Variants in NEK5 observed in about 807,000 individuals in gnomAD.
NEK5 encodes the protein serine/threonine-protein kinase Nek5.
In NEK5, 88 loss-of-function variants were observed where a neutral mutation model predicts 109.2. The observed-to-expected ratio is 0.81, with a 90% CI of 0.68 to 0.96. The LOEUF is 0.96. NEK5 is among the 40% of genes least tolerant of loss of function. The pLI, the probability that NEK5 is intolerant of heterozygous loss-of-function variation, is 0.00. For missense variants in NEK5, 834 were observed against 920.7 expected (o/e 0.91, Z 1.22); for synonymous variants, 283 against 299.9 (o/e 0.94, Z 0.58).
chr13:52,065,832 T>C (rs1954681071), intron 20 of NEK5, among the ~76,000 whole-genome samples: 1 of 152,228 alleles, frequency 6.6e-6, no homozygotes, highest in East Asian at 1.9e-4. Context: ...TATTGCTAAA[T>C]GCTAAGGAAA....
At chr13:52,085,700 A>G (rs542914922) in intron 16 of NEK5, among the ~76,000 whole-genome samples, 1 of 152,314 alleles carries the variant, frequency 6.6e-6, no homozygotes, top group South Asian at 2.1e-4. Context: ...CAGGCTGGCT[A>G]TTTCATGTGA....
At chr13:52,060,602 T>C (rs1326946478) in intron 22 of NEK5, among the ~76,000 whole-genome samples, 1 of 152,182 alleles carries the variant, frequency 6.6e-6, no homozygotes, top group African/African-American at 2.4e-5. Flanking sequence ...TGCCTCGGCC[T>C]CCCAAAGTGC....
At chr13:52,047,593 CT>C (rs1316760743) in intron 23 of NEK5, among the ~76,000 whole-genome samples, 1 of 152,132 alleles carries the variant, frequency 6.6e-6, no homozygotes, top group Admixed American at 6.5e-5. Flanking sequence ...TCACAGTTTA[CT>C]TTATGGGAGG....
At chr13:52,071,166 G>T (rs1954777349) in intron 20 of NEK5, among the ~76,000 whole-genome samples, 1 of 152,098 alleles carries the variant, frequency 6.6e-6, no homozygotes, top group African/African-American at 2.4e-5. Flanking sequence ...GCACCCTGGT[G>T]ACAGCACTGA....
intron 22 of NEK5, among the ~76,000 whole-genome samples, chr13:52,057,105 A>T: frequency 6.6e-6 from 1 of 151,900 alleles, no homozygotes. Context: ...ATAAAAAATG[A>T]TAAAGGGGAT....
chr13:52,058,042 T>C (rs1186968723), intron 22 of NEK5, among the ~76,000 whole-genome samples: 14 of 152,122 alleles, frequency 9.2e-5, no homozygotes, highest in Non-Finnish European at 1.9e-4. Flanking sequence ...TGATTGTGTA[T>C]CTAGAAAACC....
rs540552090 is a variant in NEK5, at chr13:52,099,785, T to C, written c.984A>G (p.Arg328=). 5 of 1,613,988 alleles carry C rather than the reference T, an allele frequency of 3.1e-6. No individual in the cohort carries two copies. The South Asian group carries it at 5.5e-5, about 18-fold the overall frequency. Residue 328 remains arginine (R), a synonymous_variant, in exon 12 of 24, where the codon AGA becomes AGG. Coordinates refer to ENST00000684899, the MANE Select transcript of NEK5 (RefSeq NM_001365552.1). ...CTCCAGCTGGTGGTCTCCATTCATT[T>C]CTATGCAATATAGCATTCCTTTTAA... is the stretch of plus-strand genomic sequence containing the variant. ...VPIKRNAILH[R]NEWRPPAGAQ...
intron 3 of NEK5, among the ~76,000 whole-genome samples, chr13:52,123,645 C>A (rs754681702): frequency 1.3e-5 from 2 of 152,166 alleles, no homozygotes; most frequent in African/African-American, 4.8e-5. Flanking sequence ...ACAAAACACA[C>A]ATGGACTCGG....
intron 23 of NEK5, among the ~76,000 whole-genome samples, chr13:52,039,101 G>A (rs1447491545): frequency 6.6e-6 from 1 of 152,072 alleles, no homozygotes; most frequent in Non-Finnish European, 1.5e-5. Flanking sequence ...GCAGGAAGAG[G>A]GACAGTTTTT....
At chr13:52,042,493 TGAA>T (rs1288703648) in intron 23 of NEK5, among the ~76,000 whole-genome samples, 1 of 151,534 alleles carries the variant, frequency 6.6e-6, no homozygotes, top group Non-Finnish European at 1.5e-5. Context: ...GTGGGGGACA[TGAA>T]GACAGAAAAG....
chr13:52,077,235 T>C (rs1034404771), intron 17 of NEK5, among the ~76,000 whole-genome samples: 2 of 152,206 alleles, frequency 1.3e-5, no homozygotes, highest in Non-Finnish European at 1.5e-5. Flanking sequence ...TCTCCAGCAG[T>C]GGGCACTGAA....
chr13:52,040,733 A>C (rs1357026374), intron 23 of NEK5, among the ~76,000 whole-genome samples: 2 of 152,164 alleles, frequency 1.3e-5, no homozygotes, highest in Non-Finnish European at 2.9e-5. Context: ...CAGTGAAAAA[A>C]TCCAACATTT....
At chr13:52,055,201 G>A (rs1236300012) in intron 22 of NEK5, among the ~76,000 whole-genome samples, 18 of 152,342 alleles carry the variant, frequency 1.2e-4, no homozygotes, top group Middle Eastern at 3.4e-3. Flanking sequence ...GGGTATCAGT[G>A]ATGGAAGATC....
intron 13 of NEK5, among the ~76,000 whole-genome samples, chr13:52,091,343 C>T (rs1429960560): frequency 1.3e-5 from 2 of 152,152 alleles, no homozygotes; most frequent in East Asian, 3.9e-4. Flanking sequence ...ATGTCCCTCA[C>T]TAATTGAGTC....
Position 52,035,882 on chromosome 13 carries a change from A to G in NEK5, c.*1066T>C, listed in dbSNP as rs1017279134. The G allele has an allele frequency of 1.3e-5, 2 of 151,822 alleles. No individual in the cohort carries two copies. Among genetic ancestry groups the G allele is most frequent in the African/African-American group, 2.4e-5 (1 of 41,370 alleles). 9.4% of individuals were successfully genotyped at this position (151,822 alleles called of 1,614,324 possible). The stretch of plus-strand genomic sequence containing the variant: ...TCAAAAAAGTGTATTCAATGCAACA[A>G]GAAACTTCAAAATCACAGTTTTGTA... On this transcript the variant is annotated 3_prime_UTR_variant, in exon 24 of 24. Coordinates refer to ENST00000684899, the MANE Select transcript of NEK5 (RefSeq NM_001365552.1).
At chr13:52,063,032 T>TCCCTCTCCCCACGGTCC (rs1440480103) in intron 21 of NEK5, among the ~76,000 whole-genome samples, 5 of 150,996 alleles carry the variant, frequency 3.3e-5, no homozygotes, top group African/African-American at 7.4e-5. Flanking sequence ...TCTCTCCCTC[T>TCCCTCTCCCCACGGTCC]CCCTCTCCCC....
chr13:52,053,912 A>G (rs111626024), intron 22 of NEK5, among the ~76,000 whole-genome samples: 3 of 152,302 alleles, frequency 2.0e-5, no homozygotes, highest in African/African-American at 7.2e-5. Flanking sequence ...TTGTTATTCA[A>G]TTTTGCAAGC....
At position 52,075,829 on chromosome 13, in the gene NEK5, A is replaced by G. The variant is rs1481087945; in HGVS notation, c.1654-3T>C. On this transcript the variant is annotated splice_polypyrimidine_tract_variant and splice_region_variant and intron_variant, in intron 18 of 23. Transcript: ENST00000684899. ...TTAATTTCAAATTTTACCCCCTTCTAGGAGAAAGCAAAAAAAAAAAAAAAG... is the reference window on the plus strand; with the variant it reads ...TTAATTTCAAATTTTACCCCCTTCTGGGAGAAAGCAAAAAAAAAAAAAAAG... The G allele has an allele frequency of 6.7e-7, 1 of 1,484,080 alleles. No homozygotes were observed. Among genetic ancestry groups the G allele is most frequent in the South Asian group, 1.3e-5 (1 of 79,058 alleles). 91.9% of individuals were successfully genotyped at this position (1,484,080 alleles called of 1,614,324 possible).
chr13:52,122,747 A>G (rs574091983), intron 3 of NEK5, among the ~76,000 whole-genome samples: 2 of 152,282 alleles, frequency 1.3e-5, no homozygotes, highest in African/African-American at 4.8e-5. Flanking sequence ...AGCCTGGGCA[A>G]CAGAGCGAGA....
Sources: gnomAD v4.1 joint callset for allele counts (sites outside exome capture counted in the v4.1 genomes callset) on GRCh38, gnomAD v4.1.1 for gene constraint, MANE v1.5 for transcripts, NCBI Gene and HGNC (gene_info 2026-07-23, HGNC 2026-07-21) for gene names.